Variants in KATNAL1 observed in about 807,000 individuals in gnomAD.
KATNAL1 encodes katanin p60 ATPase-containing subunit A-like 1.
In KATNAL1, 32 loss-of-function variants were observed where a neutral mutation model predicts 55.2. The observed-to-expected ratio is 0.58, with a 90% confidence interval of 0.44 to 0.78. KATNAL1 has a LOEUF of 0.78. Among genes scored for constraint, KATNAL1 ranks in the 30% least tolerant of loss-of-function variants. The pLI is 0.00. For missense variants in KATNAL1, 466 were observed against 600.9 expected (o/e 0.78, Z 2.35); for synonymous variants, 193 against 193.6 (o/e 1.00, Z 0.02).
chr13:30,210,238 A>G (rs1873545082), intron 10 of KATNAL1, 78 bp downstream of exon 10: 2 of 1,260,358 alleles, frequency 1.6e-6, no homozygotes, highest in Middle Eastern at 2.0e-4. Context: ...ACACTGGGCT[A>G]ACTACATTGA....
chr13:30,209,427 C>T (rs897732437), intron 10 of KATNAL1, among the ~76,000 whole-genome samples: 6 of 152,106 alleles, frequency 3.9e-5, no homozygotes, highest in African/African-American at 9.7e-5. Context: ...TTATTGTATG[C>T]CACTAAACTT....
chr13:30,214,595 A>G (rs1428838089), intron 9 of KATNAL1, among the ~76,000 whole-genome samples: 1 of 152,198 alleles, frequency 6.6e-6, no homozygotes, highest in African/African-American at 2.4e-5. Context: ...ATGGAACAGA[A>G]CAGAGTCCTC....
rs570560161 is a variant in KATNAL1 at position 30,284,696 on chromosome 13, T to C, written c.-14-905A>G. ...TCTTCTAAGACCCCATCATTCTCTA[T>C]ATCTTTTTGGCCATGCAAATAACTA... On this transcript the variant is annotated intron_variant, in intron 1 of 10. Transcript: ENST00000380615. Among the ~76,000 whole-genome samples, 121 of 152,324 alleles carry C rather than the reference T, an allele frequency of 7.9e-4. 1 individual carries two copies. Among genetic ancestry groups the C allele is most frequent in the African/African-American group, 2.9e-3 (119 of 41,576 alleles).
At chr13:30,220,644 T>C (rs1344883456) in intron 9 of KATNAL1, among the ~76,000 whole-genome samples, 1 of 152,202 alleles carries the variant, frequency 6.6e-6, no homozygotes, top group African/African-American at 2.4e-5. Context: ...TTGCTTCTGT[T>C]GTTGCTTTAA....
chr13:30,267,776 A>AAG (rs922164953), intron 3 of KATNAL1, among the ~76,000 whole-genome samples: 8 of 152,040 alleles, frequency 5.3e-5, no homozygotes, highest in African/African-American at 1.4e-4. Context: ...ACAGCCAAGA[A>AAG]AGAGAGAGAG....
intron 4 of KATNAL1, among the ~76,000 whole-genome samples, chr13:30,253,627 T>C (rs1878535628): frequency 7.5e-6 from 1 of 134,066 alleles, no homozygotes; most frequent in African/African-American, 2.9e-5. Flanking sequence ...GTTGTGCCAC[T>C]GCACTCCAGC....
intron 3 of KATNAL1, among the ~76,000 whole-genome samples, chr13:30,267,925 T>A (rs892284281): frequency 2.0e-5 from 3 of 152,168 alleles, no homozygotes; most frequent in African/African-American, 2.4e-5. Flanking sequence ...GAAGTTGAAT[T>A]GAGACTACCA....
intron 3 of KATNAL1, among the ~76,000 whole-genome samples, chr13:30,272,936 C>T (rs1369455968): frequency 6.6e-6 from 1 of 152,180 alleles, no homozygotes; most frequent in Non-Finnish European, 1.5e-5. Flanking sequence ...TAAGCGCTCA[C>T]CTCTATATCT....
chr13:30,247,740 T>C (rs76489344), intron 4 of KATNAL1, among the ~76,000 whole-genome samples: 1 of 152,278 alleles, frequency 6.6e-6, no homozygotes, highest in African/African-American at 2.4e-5. Flanking sequence ...TATAAGGACT[T>C]GGCATTTAAT....
At chr13:30,248,039 G>GA (rs1218336336) in intron 4 of KATNAL1, among the ~76,000 whole-genome samples, 1 of 152,170 alleles carries the variant, frequency 6.6e-6, no homozygotes, top group Non-Finnish European at 1.5e-5. Context: ...AGACAGCCTT[G>GA]AAAGTGGGAA....
rs543799787 is a variant in KATNAL1, at chr13:30,238,875, C to A, written c.726+1585G>T. 1.0e-3 allele frequency among the ~76,000 whole-genome samples: 154 copies of A among 152,234 alleles called. 1 individual carries two copies. The highest frequency in any genetic ancestry group is 3.7e-3 in the African/African-American group (152 of 41,542). The stretch of plus-strand genomic sequence containing the variant: ...ATCACACAATGCAGGAGAAAGTGTG[C>A]CGCAGAAAGGCACATATAAACCTAA... On this transcript the variant is annotated intron_variant, in intron 6 of 10. Coordinates refer to ENST00000380615, the MANE Select transcript of KATNAL1 (RefSeq NM_032116.5).
At chr13:30,283,877 CTT>C (rs34524152) in intron 1 of KATNAL1, 86 bp from the exon 2 acceptor site, 19,137 of 670,964 alleles carry the variant, frequency 0.029, 62 homozygotes, top group African/African-American at 0.064. Flanking sequence ...TTTAAAACTA[CTT>C]TTTTTTTTTT....
At chr13:30,289,791 TA>T (rs1202171063) in intron 1 of KATNAL1, among the ~76,000 whole-genome samples, 3 of 152,190 alleles carry the variant, frequency 2.0e-5, no homozygotes, top group African/African-American at 7.2e-5. Context: ...GCATGGCACT[TA>T]AAACAGTGAT....
intron 10 of KATNAL1, among the ~76,000 whole-genome samples, chr13:30,209,168 G>A (rs1362666411): frequency 6.6e-6 from 1 of 152,168 alleles, no homozygotes; most frequent in Non-Finnish European, 1.5e-5. Context: ...CACTCCCTCT[G>A]AAACATGAAT....
intron 3 of KATNAL1, 150 bp from the exon 4 acceptor site, chr13:30,255,765 AT>A: frequency 3.1e-6 from 2 of 648,130 alleles, no homozygotes; most frequent in Non-Finnish European, 4.3e-6. Flanking sequence ...GGCCACAACT[AT>A]TAGGTTAGTT....
chr13:30,258,576 T>C (rs1162506424), intron 3 of KATNAL1, among the ~76,000 whole-genome samples: 4 of 152,230 alleles, frequency 2.6e-5, no homozygotes, highest in Non-Finnish European at 4.4e-5. Context: ...AAGTCCAATT[T>C]ATCAATATTT....
chr13:30,299,346 T>A (rs931355534), intron 1 of KATNAL1, among the ~76,000 whole-genome samples: 1 of 152,130 alleles, frequency 6.6e-6, no homozygotes, highest in African/African-American at 2.4e-5. Context: ...AAGGTTATTT[T>A]AAAAATTAAA....
chr13:30,234,566 T>C (rs2137405936), intron 6 of KATNAL1, among the ~76,000 whole-genome samples: 1 of 152,284 alleles, frequency 6.6e-6, no homozygotes, highest in East Asian at 1.9e-4. Context: ...CTGCCCTTTA[T>C]ATTCCCAAAG....
chr13:30,218,227 T>TATATAAA (rs1555258842), intron 9 of KATNAL1, among the ~76,000 whole-genome samples: 1 of 145,264 alleles, frequency 6.9e-6, no homozygotes, highest in African/African-American at 2.6e-5. Context: ...TATATATATA[T>TATATAAA]AAAGGACCTG....
Sources: allele counts gnomAD v4.1 joint callset (sites outside exome capture counted in the v4.1 genomes callset), GRCh38; gene constraint gnomAD v4.1.1; transcripts MANE v1.5; gene names NCBI Gene and HGNC (gene_info 2026-07-23, HGNC 2026-07-21).